DTX1: variants seen among roughly 807,000 people sequenced by gnomAD.
DTX1 encodes deltex E3 ubiquitin ligase 1, also known as E3 ubiquitin-protein ligase DTX1.
DTX1 carries 26 observed loss-of-function variants against 57.8 expected under a neutral mutation model. The ratio of observed to expected loss-of-function variants is 0.45; its 90% CI spans 0.33 to 0.62. DTX1 has a LOEUF of 0.62. DTX1 is among the 20% of genes least tolerant of loss of function. The probability of loss-of-function intolerance (pLI) is 0.02; values close to 1 mark genes in which losing one functional copy is unlikely to be tolerated. For synonymous variants in DTX1, 398 were observed against 394.1 expected (o/e 1.01, Z -0.12); for missense variants, 704 against 895.3 (o/e 0.79, Z 2.73).
chr12:113,077,243 G>A lies in DTX1; in HGVS notation c.260-181G>A, dbSNP rs530806144. On this transcript the variant is annotated intron_variant, in intron 2 of 9. Transcript: ENST00000548759. The surrounding 1 kb of genome is among the most constrained non-coding windows in gnomAD (Gnocchi z 7.8). ...CAGCCTGTGCTGAACCTCATGCCTG[G>A]GCCTTGACCTCCTTCCTCTCCGTGC... 1.3e-4 allele frequency among the ~76,000 whole-genome samples: 20 copies of A among 152,094 alleles called. No homozygotes were observed. The South Asian group carries it at 4.2e-3, about 32-fold the overall frequency.
Position 113,095,410 on chromosome 12 carries a change from G to T in DTX1, c.1634G>T (p.Arg545Leu). Residue 545 changes from arginine (R) to leucine (L), a missense_variant, in exon 9 of 10, where the codon CGG becomes CTG. By Grantham distance (102) the Arg-to-Leu change is moderately radical. Coordinates refer to ENST00000548759, the MANE Select transcript of DTX1 (RefSeq NM_004416.3). ...TATCTACCCAACAACGAGAAAGGCC[G>T]GAAGGTGGGTGCCCAGCCGTGAGGG... ...HCYLPNNEKG[R>L]KVLRLLITAW... 1.2e-6 allele frequency: 2 copies of T among 1,614,198 alleles called. No homozygotes were observed. Among genetic ancestry groups the T allele is most frequent in the South Asian group, 2.2e-5 (2 of 91,090 alleles).
chr12:113,058,540 G>T, intron 2 of DTX1, 89 bp downstream of exon 2: 3 of 1,524,176 alleles, frequency 2.0e-6, no homozygotes, highest in Non-Finnish European at 1.8e-6. Flanking sequence ...TAAATCTGCT[G>T]ATGCCAAATC....
chr12:113,087,429 C>T (rs567125603), intron 3 of DTX1, among the ~76,000 whole-genome samples: 22 of 152,242 alleles, frequency 1.4e-4, no homozygotes, highest in African/African-American at 4.8e-4. Context: ...CAGCGATGTC[C>T]TTCAAGTCTC....
chr12:113,095,395 A>G lies in DTX1; in HGVS notation c.1619A>G (p.Asn540Ser). The change falls in exon 9 of 10, where the codon AAC becomes AGC. Residue 540 changes from asparagine (N) to serine (S), a missense_variant. Asn to Ser is a conservative substitution (Grantham distance 46). Around this residue, in one of 3 missense-constraint regions of DTX1, gnomAD observed 168 missense variants for 255.6 expected, o/e 0.66. Coordinates refer to ENST00000548759, the MANE Select transcript of DTX1 (RefSeq NM_004416.3). The stretch of plus-strand genomic sequence containing the variant: ...TTCCCTCGCCACTGCTATCTACCCA[A>G]CAACGAGAAAGGCCGGAAGGTGGGT... ...RGFPRHCYLP[N>S]NEKGRKVLRL... 2 of 1,614,224 alleles carry G rather than the reference A, an allele frequency of 1.2e-6. No individual in the cohort carries two copies. The highest frequency in any genetic ancestry group is 1.7e-6 in the Non-Finnish European group (2 of 1,180,038).
chr12:113,084,171 A>C (rs2044838527), intron 3 of DTX1, among the ~76,000 whole-genome samples: 1 of 152,030 alleles, frequency 6.6e-6, no homozygotes, highest in East Asian at 1.9e-4. Flanking sequence ...CAGGGCGGGG[A>C]GCCAGCTGGC....
chr12:113,096,982 C>G lies in DTX1; in HGVS notation c.*43C>G. The G allele has an allele frequency of 6.4e-7, 1 of 1,558,950 alleles. No homozygotes were observed. The highest frequency in any genetic ancestry group is 8.7e-7 in the Non-Finnish European group (1 of 1,153,698). On this transcript the variant is annotated 3_prime_UTR_variant, in exon 10 of 10. Transcript: ENST00000548759. ...CTTCCCTCCTGCTTTGCCCCTGGTC[C>G]GGCAAATGCCTCCTTCGCCAGGTGT...
Position 113,057,722 on chromosome 12 carries a change from C to G in DTX1, c.-471C>G. On this transcript the variant is annotated 5_prime_UTR_variant, in exon 2 of 10. Transcript: ENST00000548759. ...GCCCCACTGAAGCCGGGCGCAGGGT[C>G]TGGGACGCAGTTGGGAGTGCAAAGG... The G allele has an allele frequency of 6.2e-6, 1 of 161,830 alleles. No individual in the cohort carries two copies. The highest frequency in any genetic ancestry group is 1.4e-5 in the Non-Finnish European group (1 of 73,612). 10.0% of individuals were successfully genotyped at this position (161,830 alleles called of 1,614,324 possible). A position where few individuals can be genotyped will look rare whatever the true frequency, so the allele number is the denominator to read the frequency against.
chr12:113,094,011 CA>C, intron 5 of DTX1, 26 bp from the exon 6 acceptor site: 1 of 1,565,360 alleles, frequency 6.4e-7, no homozygotes, highest in Non-Finnish European at 8.7e-7. Context: ...TGGGTACCCT[CA>C]AACCCACCCC....
Position 113,057,868 on chromosome 12 carries a change from G to T in DTX1, c.-325G>T. 3.0e-6 allele frequency: 1 copy of T among 328,784 alleles called. No individual in the cohort carries two copies. 20.4% of individuals were successfully genotyped at this position (328,784 alleles called of 1,614,324 possible). Reference sequence around the variant, plus strand: ...AAGAGGCTGGACCTCGAACAGGGGCGGCTGCCTCACTCCCTACCTGAGCCA... The same window carrying T: ...AAGAGGCTGGACCTCGAACAGGGGCTGCTGCCTCACTCCCTACCTGAGCCA... On this transcript the variant is annotated 5_prime_UTR_variant, in exon 2 of 10. Coordinates refer to ENST00000548759, the MANE Select transcript of DTX1 (RefSeq NM_004416.3).
Position 113,096,936 on chromosome 12 carries a change from T to C in DTX1, c.1860T>C (p.Ala620=). The change falls in exon 10 of 10, where the codon GCT becomes GCC. Residue 620 remains alanine (A), a synonymous_variant. Coordinates refer to ENST00000548759, the MANE Select transcript of DTX1 (RefSeq NM_004416.3). ...AQGVSEAAAK[A] is the part of the protein sequence containing the mutation. Reference sequence around the variant, plus strand: ...GCGTATCCGAGGCTGCAGCCAAGGCTTGAGGCCCAAGGCTGCCCACCTTCC... The same window carrying C: ...GCGTATCCGAGGCTGCAGCCAAGGCCTGAGGCCCAAGGCTGCCCACCTTCC... The C allele has an allele frequency of 6.2e-7, 1 of 1,609,596 alleles. No homozygotes were observed.
chr12:113,096,460 AAAG>A (rs1200647045), intron 9 of DTX1, among the ~76,000 whole-genome samples: 364 of 143,840 alleles, frequency 2.5e-3, no homozygotes, highest in Non-Finnish European at 4.2e-3. Context: ...AAAAAAAAAA[AAAG>A]AAAAAGAAAA....
intron 3 of DTX1, among the ~76,000 whole-genome samples, chr12:113,084,889 A>G (rs899756068): frequency 4.6e-5 from 7 of 152,140 alleles, no homozygotes; most frequent in African/African-American, 1.7e-4. Flanking sequence ...GTTTTGGATC[A>G]TGGTCCCAGA....
intron 3 of DTX1, among the ~76,000 whole-genome samples, chr12:113,078,435 A>G (rs1470058734): frequency 1.3e-5 from 2 of 152,170 alleles, no homozygotes; most frequent in Admixed American, 1.3e-4. Flanking sequence ...TGCGTGTTCC[A>G]TGTTTATTAT....
rs991745599 is a variant in DTX1, at chr12:113,057,950, T to A, written c.-243T>A. On this transcript the variant is annotated 5_prime_UTR_variant, in exon 2 of 10. Coordinates refer to ENST00000548759, the MANE Select transcript of DTX1 (RefSeq NM_004416.3). ...CCTCCGGCATAAGAGAGACACTTGC[T>A]TTCCAGGGCAGCACCCTTTATCGGA... is the stretch of plus-strand genomic sequence containing the variant. 1.6e-6 allele frequency: 1 copy of A among 606,126 alleles called. No individual in the cohort carries two copies. The highest frequency in any genetic ancestry group is 3.4e-5 in the Admixed American group (1 of 29,376). The allele number at this position is 606,126 out of a possible 1,614,324, so 37.5% of individuals were successfully genotyped here. A position where few individuals can be genotyped will look rare whatever the true frequency, so the allele number is the denominator to read the frequency against.
In DTX1 at chr12:113,077,915, G is replaced by C; in HGVS notation, c.751G>C (p.Ala251Pro). 1 of 1,196,664 alleles carries C rather than the reference G, an allele frequency of 8.4e-7. No homozygotes were observed. Among genetic ancestry groups the C allele is most frequent in the Non-Finnish European group, 1.0e-6 (1 of 968,772 alleles). The allele number at this position is 1,196,664 out of a possible 1,614,324, so 74.1% of individuals were successfully genotyped here. Reference protein sequence around the residue: ...PPGALAVRPSATFTGAALWAA... With the variant: ...PPGALAVRPSPTFTGAALWAA... ...AGGCGCGCTTGCCGTGCGCCCCAGCGCCACCTTCACAGGCGCCGCGCTCTG... is the reference window on the plus strand; with the variant it reads ...AGGCGCGCTTGCCGTGCGCCCCAGCCCCACCTTCACAGGCGCCGCGCTCTG... Residue 251 changes from alanine (A) to proline (P), a missense_variant, in exon 3 of 10, where the codon GCC (alanine) becomes CCC (proline). By Grantham distance (27) the Ala-to-Pro change is conservative. Around this residue, in one of 3 missense-constraint regions of DTX1, gnomAD observed 299 missense variants for 311.2 expected, o/e 0.96. Transcript: ENST00000548759. The surrounding 1 kb of genome is among the most constrained non-coding windows in gnomAD (Gnocchi z 7.8).
At chr12:113,071,252 C>T (rs2044736042) in intron 2 of DTX1, among the ~76,000 whole-genome samples, 2 of 152,210 alleles carry the variant, frequency 1.3e-5, no homozygotes, top group South Asian at 4.1e-4. Flanking sequence ...TGGCTGTGGC[C>T]GCCCCCACAC....
At position 113,058,020 on chromosome 12, in the gene DTX1, C is replaced by T. The variant is rs2044640752; in HGVS notation, c.-173C>T. 9.2e-7 allele frequency: 1 copy of T among 1,089,770 alleles called. No individual in the cohort carries two copies. The highest frequency in any genetic ancestry group is 1.6e-5 in the African/African-American group (1 of 63,040). 67.5% of individuals were successfully genotyped at this position (1,089,770 alleles called of 1,614,324 possible). A position where few individuals can be genotyped will look rare whatever the true frequency, so the allele number is the denominator to read the frequency against. On this transcript the variant is annotated 5_prime_UTR_variant, in exon 2 of 10. Transcript: ENST00000548759. ...GGTCTTTGCAGCCTGGATGGCCATC[C>T]CACATTCCTTTAACGGAGGTCTCTA...
chr12:113,076,099 A>G (rs2044769597), intron 2 of DTX1, among the ~76,000 whole-genome samples: 1 of 152,038 alleles, frequency 6.6e-6, no homozygotes, highest in Non-Finnish European at 1.5e-5. Flanking sequence ...AAATGAAGGA[A>G]TGTCTGAATG....
At chr12:113,066,071 C>T (rs2044701590) in intron 2 of DTX1, among the ~76,000 whole-genome samples, 1 of 152,172 alleles carries the variant, frequency 6.6e-6, no homozygotes, top group Non-Finnish European at 1.5e-5. Context: ...CCCATGAGCC[C>T]ACCCAGCCTC....
Sources: gnomAD v4.1 joint callset for allele counts (sites outside exome capture counted in the v4.1 genomes callset) on GRCh38, gnomAD v4.1.1 for gene constraint, gnomAD v4.1.1 regional missense constraint, Gnocchi (gnomAD v3.1) non-coding constraint, MANE v1.5 for transcripts, NCBI Gene and HGNC (gene_info 2026-07-23, HGNC 2026-07-21) for gene names.